Variants in FNTB observed in about 807,000 individuals in gnomAD.
The protein encoded by FNTB is protein farnesyltransferase subunit beta.
Under a neutral mutation model 59.4 loss-of-function variants are expected in FNTB, and 27 were observed. The observed-to-expected ratio is 0.45, with a 90% CI of 0.34 to 0.63. The LOEUF is 0.63. FNTB is among the 20% of genes least tolerant of loss of function. The pLI is 0.02. For synonymous variants in FNTB, 230 were observed against 220.7 expected, an observed-to-expected ratio of 1.04 and a Z score of -0.37; for missense variants, 449 against 559.6, an observed-to-expected ratio of 0.80 and a Z score of 1.99.
chr14:64,987,659 A>G (rs936371706), intron 1 of FNTB: 9 of 156,054 alleles, frequency 5.8e-5, no homozygotes, highest in African/African-American at 2.2e-4. Flanking sequence ...ATGGAAGTAC[A>G]AGGAAATAAA....
intron 9 of FNTB, among the ~76,000 whole-genome samples, chr14:65,050,715 C>T (rs2062587719): frequency 6.6e-6 from 1 of 152,216 alleles, no homozygotes; most frequent in Admixed American, 6.5e-5. Flanking sequence ...TTGACAGCTC[C>T]TGCAGAGCAG....
At chr14:65,035,124 T>G (rs2062159808) in intron 7 of FNTB, among the ~76,000 whole-genome samples, 1 of 152,242 alleles carries the variant, frequency 6.6e-6, no homozygotes, top group South Asian at 2.1e-4. Flanking sequence ...TCGTCCTCAG[T>G]TTCTGGCAGC....
rs1245048131 is a variant in FNTB at position 65,030,593 on chromosome 14, T to A, written c.606-2017T>A. Among the ~76,000 whole-genome samples the A allele has an allele frequency of 6.6e-6, 1 of 151,988 alleles. No homozygotes were observed. The highest frequency in any genetic ancestry group is 1.5e-5 in the Non-Finnish European group (1 of 67,982). On this transcript the variant is annotated intron_variant, in intron 6 of 11. Coordinates refer to ENST00000246166, the MANE Select transcript of FNTB (RefSeq NM_002028.4). This position sits in a 1 kb window ranked among gnomAD's most constrained non-coding sequence, Gnocchi z 4.5. The stretch of plus-strand genomic sequence containing the variant: ...GTCTCTACAAAAAATTTTTAAAAAA[T>A]TAGCCAGGTGTGGTGGCATGCATCT...
At chr14:65,025,650 A>G (rs1444016815) in intron 4 of FNTB, among the ~76,000 whole-genome samples, 1 of 151,984 alleles carries the variant, frequency 6.6e-6, no homozygotes, top group Non-Finnish European at 1.5e-5. Flanking sequence ...CCCCATCTTT[A>G]TAAAAAATAC....
intron 2 of FNTB, chr14:65,006,080 T>C (rs2061582120): frequency 6.6e-7 from 1 of 1,520,202 alleles, no homozygotes; most frequent in Non-Finnish European, 8.9e-7. Context: ...GACTAAATCC[T>C]AGCAAGTCAG....
At chr14:65,056,566 C>T (rs777502653) in intron 11 of FNTB, among the ~76,000 whole-genome samples, 12 of 152,106 alleles carry the variant, frequency 7.9e-5, no homozygotes, top group Non-Finnish European at 1.8e-4. Context: ...TTGTGTTTTC[C>T]TGATTACTGG....
At chr14:65,059,576 T>G (rs1426197957) in intron 11 of FNTB, among the ~76,000 whole-genome samples, 3 of 152,090 alleles carry the variant, frequency 2.0e-5, no homozygotes, top group Non-Finnish European at 4.4e-5. Flanking sequence ...TTTGTATGTT[T>G]CAGCATGAGG....
At position 65,008,670 on chromosome 14, in the gene FNTB, A is replaced by G. The variant is rs144344393; in HGVS notation, c.210-3647A>G. ...GAGTGTTCCAGGCAGAGGGAACAGC[A>G]TGTGCTAAAGCCAGGAGACTGAAAG... is the stretch of plus-strand genomic sequence containing the variant. On this transcript the variant is annotated intron_variant, in intron 2 of 11. Transcript: ENST00000246166. Among the ~76,000 whole-genome samples, 766 of 152,352 alleles carry G rather than the reference A, an allele frequency of 5.0e-3. 4 individuals carry two copies. The highest frequency in any genetic ancestry group is 0.018 in the African/African-American group (731 of 41,572).
chr14:65,014,994 C>T lies in FNTB; in HGVS notation c.283-631C>T, dbSNP rs1039382703. On this transcript the variant is annotated intron_variant, in intron 3 of 11. Coordinates refer to ENST00000246166, the MANE Select transcript of FNTB (RefSeq NM_002028.4). This position sits in a 1 kb window ranked among gnomAD's most constrained non-coding sequence, Gnocchi z 5.1. ...CCGAGAAAATAGCAGCCCCTAACCT[C>T]CTGGCCTGTAGGAAGTCCTCTGCTC... Among the ~76,000 whole-genome samples the T allele has an allele frequency of 1.3e-5, 2 of 152,078 alleles. No homozygotes were observed. The highest frequency in any genetic ancestry group is 2.9e-5 in the Non-Finnish European group (2 of 67,994).
chr14:65,015,410 C>CTTT (rs888923691), intron 3 of FNTB: 2,522 of 155,614 alleles, frequency 0.016, 54 homozygotes, highest in Non-Finnish European at 0.025. Flanking sequence ...GCCTTGTTAT[C>CTTT]TTTTTTTTTT....
chr14:65,059,907 C>T (rs951150344), intron 11 of FNTB, among the ~76,000 whole-genome samples: 3 of 147,714 alleles, frequency 2.0e-5, no homozygotes, highest in African/African-American at 5.1e-5. Flanking sequence ...AATCTTGGCT[C>T]ACTGCAACCT....
rs778200008 is a variant in FNTB, at chr14:65,000,838, A to AAAAAAAAAAAAAAAAAAAAAAAAAAAAAG, written c.145-3408_145-3407insAAAAAAAAAAAAAAAAAAAAAAAAAGAAA. Among the ~76,000 whole-genome samples the AAAAAAAAAAAAAAAAAAAAAAAAAAAAAG allele has an allele frequency of 2.0e-3, 233 of 116,052 alleles. 21 individuals carry two copies. Among genetic ancestry groups the AAAAAAAAAAAAAAAAAAAAAAAAAAAAAG allele is most frequent in the Middle Eastern group, 4.3e-3 (1 of 230 alleles). 76.1% of individuals were successfully genotyped at this position (116,052 alleles called of 152,430 possible). ...CTCAAAAAAAAAAAAAAAAAAAAAA[A>AAAAAAAAAAAAAAAAAAAAAAAAAAAAAG]AAAGAATAGTTACCCAAAAAGCTGG... On this transcript the variant is annotated intron_variant, in intron 1 of 11. Transcript: ENST00000246166.
chr14:65,015,705 A>G lies in FNTB; in HGVS notation c.363A>G (p.Ile121Met). 1 of 1,614,108 alleles carries G rather than the reference A, an allele frequency of 6.2e-7. No homozygotes were observed. The highest frequency in any genetic ancestry group is 8.5e-7 in the Non-Finnish European group (1 of 1,180,008). Residue 121 changes from isoleucine (I) to methionine (M), a missense_variant, in exon 4 of 12, where the codon ATA (isoleucine) becomes ATG (methionine). Around this residue, in one of 2 missense-constraint regions of FNTB, gnomAD observed 337 missense variants for 479.1 expected, o/e 0.70. Transcript: ENST00000246166. Reference protein sequence around the residue: ...LELLDEPIPQIVATDVCQFLE... With the variant: ...LELLDEPIPQMVATDVCQFLE... ...TGCTAGATGAACCCATCCCCCAGATAGTGGCTACAGAGTGAGTCTGTCTTT... is the reference window on the plus strand; with the variant it reads ...TGCTAGATGAACCCATCCCCCAGATGGTGGCTACAGAGTGAGTCTGTCTTT...
chr14:65,024,856 C>A (rs1040224730), intron 4 of FNTB, among the ~76,000 whole-genome samples: 3 of 152,150 alleles, frequency 2.0e-5, no homozygotes, highest in Non-Finnish European at 4.4e-5. Flanking sequence ...TGGCTTCAAG[C>A]AATCCTCCTG....
Position 65,061,552 on chromosome 14 carries a change from TTGG to T in FNTB, c.*243_*245del, listed in dbSNP as rs1319948853. The T allele has an allele frequency of 3.7e-6, 2 of 539,312 alleles. No homozygotes were observed. Among genetic ancestry groups the T allele is most frequent in the Admixed American group, 3.3e-5 (1 of 30,188 alleles). The allele number at this position is 539,312 out of a possible 1,614,324, so 33.4% of individuals were successfully genotyped here. On this transcript the variant is annotated 3_prime_UTR_variant, in exon 12 of 12. Coordinates refer to ENST00000246166, the MANE Select transcript of FNTB (RefSeq NM_002028.4). ...AAATCTATCAGCCCACGTGGTGTGG[TTGG>T]TGAACAGTGCATGCCAGGAGGAAGC...
chr14:64,992,446 C>T (rs781491981), intron 1 of FNTB, among the ~76,000 whole-genome samples: 3 of 152,170 alleles, frequency 2.0e-5, no homozygotes, highest in Admixed American at 6.5e-5. Flanking sequence ...TTTTCAGACT[C>T]TTCACATGCA....
chr14:65,009,587 C>T lies in FNTB; in HGVS notation c.210-2730C>T, dbSNP rs1311712593. ...GCATCCTTCCTTATTCCAGGCTCAC[C>T]TCTCCTACTATACCCTCATCCCAGC... is the stretch of plus-strand genomic sequence containing the variant. On this transcript the variant is annotated intron_variant, in intron 2 of 11. Transcript: ENST00000246166. This position sits in a 1 kb window ranked among gnomAD's most constrained non-coding sequence, Gnocchi z 4.2. Among the ~76,000 whole-genome samples the T allele has an allele frequency of 6.6e-6, 1 of 152,108 alleles. No individual in the cohort carries two copies. Among genetic ancestry groups the T allele is most frequent in the Admixed American group, 6.6e-5 (1 of 15,264 alleles).
intron 7 of FNTB, among the ~76,000 whole-genome samples, chr14:65,039,845 A>G (rs182236596): frequency 1.1e-4 from 16 of 152,294 alleles, no homozygotes; most frequent in Non-Finnish European, 2.2e-4. Flanking sequence ...AAACTTTTTG[A>G]ACAAATAGAA....
intron 4 of FNTB, among the ~76,000 whole-genome samples, chr14:65,026,538 C>T (rs1358774032): frequency 6.6e-6 from 1 of 152,204 alleles, no homozygotes; most frequent in Non-Finnish European, 1.5e-5. Context: ...CTTCTGTTCT[C>T]CCAGCCATGG....
Sources: gnomAD v4.1 joint callset for allele counts (sites outside exome capture counted in the v4.1 genomes callset) on GRCh38, gnomAD v4.1.1 for gene constraint, gnomAD v4.1.1 regional missense constraint, Gnocchi (gnomAD v3.1) non-coding constraint, MANE v1.5 for transcripts, NCBI Gene and HGNC (gene_info 2026-07-23, HGNC 2026-07-21) for gene names.